The following DCAF15 variants were observed in gnomAD, a reference collection of about 807,000 sequenced individuals.
DCAF15 encodes DDB1 and CUL4 associated factor 15.
A neutral mutation model predicts 68.0 loss-of-function variants in DCAF15; 24 were observed. The ratio of observed to expected loss-of-function variants is 0.35; its 90% CI spans 0.26 to 0.50. The LOEUF (loss-of-function observed/expected upper bound fraction) is 0.50, where lower values mean the gene tolerates loss of function less well. Among genes scored for constraint, DCAF15 ranks in the 20% least tolerant of loss-of-function variants. The probability of loss-of-function intolerance (pLI) is 0.98; values close to 1 mark genes in which losing one functional copy is unlikely to be tolerated. For missense variants in DCAF15, 627 were observed against 830.6 expected, an observed-to-expected ratio of 0.75 and a Z score of 3.01; for synonymous variants, 376 against 341.6, an observed-to-expected ratio of 1.10 and a Z score of -1.11.
chr19:13,960,138 G>A (rs901786613), intron 10 of DCAF15, 69 bp downstream of exon 10: 157 of 1,593,222 alleles, frequency 9.9e-5, no homozygotes, highest in Middle Eastern at 1.7e-4. Flanking sequence ...CGGTGGGGGT[G>A]TGGGGACGTG....
intron 1 of DCAF15, chr19:13,952,941 G>A (rs1028140737): frequency 3.4e-6 from 3 of 891,114 alleles, no homozygotes; most frequent in Middle Eastern, 3.4e-4. Flanking sequence ...AGGCCGCAGG[G>A]AGAATCAGGA....
intron 6 of DCAF15, among the ~76,000 whole-genome samples, chr19:13,958,577 C>A (rs965138105): frequency 6.6e-6 from 1 of 152,044 alleles, no homozygotes; most frequent in Admixed American, 6.6e-5. Context: ...AGACAGAGGC[C>A]CTGATTCGAT....
In DCAF15 at chr19:13,960,927, C is replaced by T. The variant is rs377647627; in HGVS notation, c.1748-13C>T. The T allele has an allele frequency of 1.9e-5, 31 of 1,613,978 alleles. 1 individual carries two copies. The highest frequency in any genetic ancestry group is 1.7e-4 in the African/African-American group (13 of 75,068). On this transcript the variant is annotated splice_polypyrimidine_tract_variant and intron_variant, in intron 12 of 12. Transcript: ENST00000254337. The stretch of plus-strand genomic sequence containing the variant: ...GCAGGGGCTCTATGCTTTGTCTCCA[C>T]CTGTCCCTGTAGGGTGCTCCCTGAA...
At position 13,955,676 on chromosome 19, in the gene DCAF15, G is replaced by A. The variant is rs368258309; in HGVS notation, c.367-236G>A. 4.6e-5 allele frequency among the ~76,000 whole-genome samples: 7 copies of A among 152,270 alleles called. No individual in the cohort carries two copies. In the East Asian group the frequency reaches 1.4e-3, roughly 29 times the overall value. On this transcript the variant is annotated intron_variant, in intron 3 of 12. Coordinates refer to ENST00000254337, the MANE Select transcript of DCAF15 (RefSeq NM_138353.4). ...AGGCTGGGCTTGGAACCAGTGCCTGGCGCAGTCTCCCCCGGGACATTGTTC... is the reference window on the plus strand; with the variant it reads ...AGGCTGGGCTTGGAACCAGTGCCTGACGCAGTCTCCCCCGGGACATTGTTC...
Position 13,959,213 on chromosome 19 carries a change from C to T in DCAF15, c.953C>T (p.Ala318Val). 6.2e-7 allele frequency: 1 copy of T among 1,613,106 alleles called. No homozygotes were observed. The highest frequency in any genetic ancestry group is 8.5e-7 in the Non-Finnish European group (1 of 1,179,922). The change falls in exon 7 of 13, where the codon GCC (alanine) becomes GTC (valine). Residue 318 changes from alanine to valine, a missense_variant. By Grantham distance (64) the Ala-to-Val change is moderately conservative (BLOSUM62 0). Around this residue, in one of 3 missense-constraint regions of DCAF15, gnomAD observed 236 missense variants for 225.1 expected, o/e 1.05. Transcript: ENST00000254337. ...TCTCCTGAGCCCTCGCCCGCCATTG[C>T]CAAAGCCAAGGAGTTTGTGGCTGAC... ...SGSPEPSPAI[A>V]KAKEFVADIF...
chr19:13,953,483 G>A (rs1419113657), intron 1 of DCAF15: 7 of 206,320 alleles, frequency 3.4e-5, no homozygotes, highest in Non-Finnish European at 5.9e-5. Context: ...CTGTGGTTCC[G>A]CCCTTAGCTT....
chr19:13,954,330 C>A lies in DCAF15; in HGVS notation c.133-10C>A. The A allele has an allele frequency of 6.2e-7, 1 of 1,612,054 alleles. No homozygotes were observed. Among genetic ancestry groups the A allele is most frequent in the East Asian group, 2.2e-5 (1 of 44,868 alleles). On this transcript the variant is annotated splice_polypyrimidine_tract_variant and intron_variant, in intron 1 of 12. Transcript: ENST00000254337. ...TGGTGCCTGAAGTGCCCTGGCCACC[C>A]CTTCCCCAGATCAGCGGACAGCTCT...
intron 1 of DCAF15, chr19:13,953,307 A>T: frequency 1.7e-6 from 1 of 602,344 alleles, no homozygotes; most frequent in Non-Finnish European, 2.8e-6. Flanking sequence ...GATCTCTTGC[A>T]GGTGGGCAGT....
chr19:13,960,655 G>C, intron 12 of DCAF15, 75 bp downstream of exon 12: 2 of 1,386,454 alleles, frequency 1.4e-6, no homozygotes, highest in Non-Finnish European at 2.0e-6. Flanking sequence ...ATTCCTGAGC[G>C]CTGATGAAAT....
rs751533451 is a variant in DCAF15, at chr19:13,959,271, G to C, written c.1011G>C (p.Gly337=). ...IFRRAKEAKG[G]VPEEARPALC... ...GCCGGGCCAAAGAGGCCAAGGGCGG[G>C]GTCCCTGAGGAAGCCCGGCCTGCCC... is the stretch of plus-strand genomic sequence containing the variant. Residue 337 remains glycine, a synonymous_variant, in exon 7 of 13, where the codon GGG becomes GGC. Coordinates refer to ENST00000254337, the MANE Select transcript of DCAF15 (RefSeq NM_138353.4). 2 of 1,611,518 alleles carry C rather than the reference G, an allele frequency of 1.2e-6. No individual in the cohort carries two copies. The highest frequency in any genetic ancestry group is 1.7e-6 in the Non-Finnish European group (2 of 1,179,848).
chr19:13,952,692 G>A (rs1381901400), intron 1 of DCAF15, 48 bp downstream of exon 1: 4 of 1,299,150 alleles, frequency 3.1e-6, no homozygotes, highest in Non-Finnish European at 3.9e-6. Context: ...GTGGGGAGTA[G>A]GGACGAGGGA....
rs199689544 is a variant in DCAF15, at chr19:13,956,282, G to C, written c.613+20G>C. On this transcript the variant is annotated intron_variant, in intron 5 of 12. Coordinates refer to ENST00000254337, the MANE Select transcript of DCAF15 (RefSeq NM_138353.4). ...ACCCAGGTGAGGGGGCCGAGGGGGCGAGGGCCTCTTCCCCCCTCCCCCCCT... is the reference window on the plus strand; with the variant it reads ...ACCCAGGTGAGGGGGCCGAGGGGGCCAGGGCCTCTTCCCCCCTCCCCCCCT... 2.5e-6 allele frequency: 4 copies of C among 1,611,814 alleles called. No homozygotes were observed. Among genetic ancestry groups the C allele is most frequent in the Non-Finnish European group, 3.4e-6 (4 of 1,179,178 alleles).
chr19:13,960,189 A>AT, intron 10 of DCAF15, 98 bp from the exon 11 acceptor site: 1 of 1,566,478 alleles, frequency 6.4e-7, no homozygotes, highest in Non-Finnish European at 8.7e-7. Flanking sequence ...GGGCCCCTCC[A>AT]TAGCTGTTCC....
intron 6 of DCAF15, among the ~76,000 whole-genome samples, chr19:13,957,489 T>G (rs1490624048): frequency 6.6e-6 from 1 of 152,124 alleles, no homozygotes; most frequent in Non-Finnish European, 1.5e-5. Flanking sequence ...TGGCGAGGGG[T>G]TGGGGGCATC....
Position 13,959,138 on chromosome 19 carries a change from C to T in DCAF15, c.878C>T (p.Pro293Leu). Residue 293 changes from proline to leucine, a missense_variant, in exon 7 of 13, where the codon CCT (proline) becomes CTT (leucine). By Grantham distance (98) the Pro-to-Leu change is moderately conservative. Around this residue, in one of 3 missense-constraint regions of DCAF15, gnomAD observed 236 missense variants for 225.1 expected, o/e 1.05. Transcript: ENST00000254337. ...PPEPQSPELP[P>L]ALPSFCPEAA... ...GAGCCCCAGAGCCCAGAGCTGCCCC[C>T]TGCCCTCCCCAGCTTCTGCCCTGAG... The T allele has an allele frequency of 6.2e-7, 1 of 1,612,712 alleles. No individual in the cohort carries two copies. Among genetic ancestry groups the T allele is most frequent in the African/African-American group, 1.3e-5 (1 of 75,048 alleles).
rs1491445889 is a variant in DCAF15 at position 13,961,016 on chromosome 19, C to CT, written c.*22dup. ...TGTGAGGGCCAGGCCGCCCCGGACA[C>CT]TGACTCCAACTACCTCCGTGGCCTG... On this transcript the variant is annotated 3_prime_UTR_variant, in exon 13 of 13. Transcript: ENST00000254337. 8 of 1,613,354 alleles carry CT rather than the reference C, an allele frequency of 5.0e-6. No individual in the cohort carries two copies. Among genetic ancestry groups the CT allele is most frequent in the South Asian group, 1.1e-5 (1 of 91,090 alleles).
In DCAF15 at chr19:13,961,053, C is replaced by T. The variant is rs1217330305; in HGVS notation, c.*58C>T. On this transcript the variant is annotated 3_prime_UTR_variant, in exon 13 of 13. Coordinates refer to ENST00000254337, the MANE Select transcript of DCAF15 (RefSeq NM_138353.4). ...ACCTCCGTGGCCTGGGACCGGCCCCCTTCCTGGGGTGGCCTCTTCCTGGCC... is the reference window on the plus strand; with the variant it reads ...ACCTCCGTGGCCTGGGACCGGCCCCTTTCCTGGGGTGGCCTCTTCCTGGCC... 6 of 1,604,564 alleles carry T rather than the reference C, an allele frequency of 3.7e-6. No individual in the cohort carries two copies. The highest frequency in any genetic ancestry group is 3.3e-5 in the Admixed American group (2 of 59,950).
chr19:13,959,953 A>C (rs1214526353), intron 9 of DCAF15, 31 bp from the exon 10 acceptor site: 1 of 1,491,950 alleles, frequency 6.7e-7, no homozygotes, highest in Non-Finnish European at 9.1e-7. Context: ...GGTCGCCCTC[A>C]ACAGTTGGCA....
intron 3 of DCAF15, among the ~76,000 whole-genome samples, chr19:13,955,074 C>T (rs1458518976): frequency 6.6e-6 from 1 of 151,868 alleles, no homozygotes; most frequent in African/African-American, 2.4e-5. Context: ...CCATTGCACT[C>T]CAGCCTGGGC....
Sources: allele counts gnomAD v4.1 joint callset (sites outside exome capture counted in the v4.1 genomes callset), GRCh38; gene constraint gnomAD v4.1.1; regional missense constraint gnomAD v4.1.1; transcripts MANE v1.5; gene names NCBI Gene and HGNC (gene_info 2026-07-23, HGNC 2026-07-21).